Variants in ZSCAN23 observed in about 807,000 individuals in gnomAD.
ZSCAN23 encodes zinc finger and SCAN domain containing 23.
In ZSCAN23, 19 loss-of-function variants were observed where a neutral mutation model predicts 19.3. That is an observed-to-expected ratio of 0.99 (90% confidence interval 0.69 to 1.45). The LOEUF (loss-of-function observed/expected upper bound fraction) is 1.45, where lower values mean the gene tolerates loss of function less well. Among genes scored for constraint, ZSCAN23 ranks in the 40% most tolerant of loss-of-function variants. The pLI, the probability that ZSCAN23 is intolerant of heterozygous loss-of-function variation, is 0.00. For synonymous variants in ZSCAN23, 140 were observed against 166.2 expected, an observed-to-expected ratio of 0.84 and a Z score of 1.21; for missense variants, 372 against 462.5, an observed-to-expected ratio of 0.80 and a Z score of 1.79.
rs1221927198 is a variant in ZSCAN23, at chr6:28,435,045, G to T, written c.590C>A (p.Ala197Asp). Residue 197 changes from alanine (A) to aspartate (D), a missense_variant, in exon 4 of 4, where the codon GCC becomes GAC. Physicochemically the swap from Ala to Asp is moderately radical, Grantham distance 126. Transcript: ENST00000289788. ...GKAGTWNVEL[A>D]PKREISQEVK... ...TTCCTGAGAAATCTCCCTCTTTGGG[G>T]CTAACTCCACATTCCAAGTCCCAGC... 1.3e-6 allele frequency: 2 copies of T among 1,549,396 alleles called. No homozygotes were observed. The highest frequency in any genetic ancestry group is 2.0e-5 in the Admixed American group (1 of 50,898).
At chr6:28,428,060 G>A (rs1222694208), downstream of ZSCAN23, among the ~76,000 whole-genome samples, 1 of 152,142 alleles carries the variant, frequency 6.6e-6, no homozygotes, top group Non-Finnish European at 1.5e-5. Context: ...TGGGCAACAA[G>A]AGCAAAACTC....
the ZSCAN23 span, among the ~76,000 whole-genome samples, chr6:28,426,674 G>T: frequency 2.6e-5 from 4 of 152,230 alleles, no homozygotes; most frequent in African/African-American, 4.8e-5. Flanking sequence ...CTTGCTTGAT[G>T]CAGGGTTGCC....
At chr6:28,430,395 A>C (rs986717380), downstream of ZSCAN23, among the ~76,000 whole-genome samples, 2 of 152,042 alleles carry the variant, frequency 1.3e-5, no homozygotes, top group Non-Finnish European at 1.5e-5. Context: ...CCAACCAACC[A>C]ACCCCAGGTC....
chr6:28,441,709 G>A (rs1303613912), intron 1 of ZSCAN23, among the ~76,000 whole-genome samples: 1 of 151,900 alleles, frequency 6.6e-6, no homozygotes, highest in Non-Finnish European at 1.5e-5. Flanking sequence ...GAAATAAACA[G>A]TCTTAAATAC....
At chr6:28,439,806 A>C (rs772490665) in intron 1 of ZSCAN23, among the ~76,000 whole-genome samples, 1 of 152,236 alleles carries the variant, frequency 6.6e-6, no homozygotes, top group African/African-American at 2.4e-5. Flanking sequence ...TCAGTTACAG[A>C]TAGTAAGCAG....
chr6:28,441,923 C>T (rs1762010440), intron 1 of ZSCAN23, among the ~76,000 whole-genome samples: 2 of 144,254 alleles, frequency 1.4e-5, no homozygotes, highest in Admixed American at 1.4e-4. Context: ...GTTGCCCAGG[C>T]GGGAGTGCAG....
rs77285596 is a variant in ZSCAN23 at position 28,442,366 on chromosome 6, T to G, written c.-78+1033A>C. Among the ~76,000 whole-genome samples, 1,314 of 152,350 alleles carry G rather than the reference T, an allele frequency of 8.6e-3. 11 individuals are homozygous for G. The highest frequency in any genetic ancestry group is 0.066 in the East Asian group (341 of 5,186). Reference sequence around the variant, plus strand: ...GCAAATTAATCTTTTAATAAGATAATGTACAATTTTGGTACAATGGTAGTT... The same window carrying G: ...GCAAATTAATCTTTTAATAAGATAAGGTACAATTTTGGTACAATGGTAGTT... On this transcript the variant is annotated intron_variant, in intron 1 of 3. Coordinates refer to ENST00000289788, the MANE Select transcript of ZSCAN23 (RefSeq NM_001012455.2).
intron 1 of ZSCAN23, among the ~76,000 whole-genome samples, chr6:28,442,625 G>C (rs1283198185): frequency 1.3e-5 from 2 of 152,252 alleles, no homozygotes; most frequent in Non-Finnish European, 2.9e-5. Context: ...AATGAGCGAA[G>C]TAACTTCCCG....
At chr6:28,437,198 C>T (rs942902655) in intron 1 of ZSCAN23, among the ~76,000 whole-genome samples, 35 of 152,168 alleles carry the variant, frequency 2.3e-4, no homozygotes, top group Non-Finnish European at 2.4e-4. Flanking sequence ...ACTAAAATGA[C>T]GGAAATATTG....
At chr6:28,439,102 C>CTT (rs548029754) in intron 1 of ZSCAN23, among the ~76,000 whole-genome samples, 5 of 145,446 alleles carry the variant, frequency 3.4e-5, no homozygotes, top group Admixed American at 6.9e-5. Flanking sequence ...TTTTCCCCCA[C>CTT]TTTTTTTTTT....
Position 28,436,095 on chromosome 6 carries a change from C to G in ZSCAN23, c.172G>C (p.Glu58Gln). ...AGAGCCTCCCGGGGCCCAGGGGACT[C>G]CTGATAGCAGAACTGCCTGAAGCGT... ...RRRFRQFCYQ[E>Q]SPGPREALQR... The change falls in exon 2 of 4, where the codon GAG (glutamate) becomes CAG (glutamine). Residue 58 changes from glutamate (E) to glutamine (Q), a missense_variant. Glu to Gln is a conservative substitution (Grantham distance 29, BLOSUM62 2). Coordinates refer to ENST00000289788, the MANE Select transcript of ZSCAN23 (RefSeq NM_001012455.2). 1 of 1,613,982 alleles carries G rather than the reference C, an allele frequency of 6.2e-7. No individual in the cohort carries two copies. Among genetic ancestry groups the G allele is most frequent in the East Asian group, 2.2e-5 (1 of 44,868 alleles).
At chr6:28,421,494 G>C in the ZSCAN23 span, among the ~76,000 whole-genome samples, 2 of 152,048 alleles carry the variant, frequency 1.3e-5, no homozygotes, top group Non-Finnish European at 2.9e-5. Context: ...ACTGGCTATA[G>C]GTATTGAGGA....
In ZSCAN23 at chr6:28,436,100, T is replaced by G. The variant is rs766159474; in HGVS notation, c.167A>C (p.Tyr56Ser). The G allele has an allele frequency of 1.2e-6, 2 of 1,613,826 alleles. No individual in the cohort carries two copies. The highest frequency in any genetic ancestry group is 2.7e-5 in the African/African-American group (2 of 74,928). The change falls in exon 2 of 4, where the codon TAT becomes TCT. Residue 56 changes from tyrosine to serine, a missense_variant. Transcript: ENST00000289788. ...CTCCCGGGGCCCAGGGGACTCCTGA[T>G]AGCAGAACTGCCTGAAGCGTCTACG... ...IFRRRFRQFC[Y>S]QESPGPREAL...
rs1254198070 is a variant in ZSCAN23, at chr6:28,435,495, T to A, written c.521A>T (p.Tyr174Phe). The A allele has an allele frequency of 6.4e-7, 1 of 1,551,964 alleles. No individual in the cohort carries two copies. The highest frequency in any genetic ancestry group is 2.4e-5 in the East Asian group (1 of 40,920). The change falls in exon 3 of 4, where the codon TAT becomes TTT. Residue 174 changes from tyrosine to phenylalanine, a missense_variant. Tyr to Phe is a conservative substitution (Grantham distance 22). Coordinates refer to ENST00000289788, the MANE Select transcript of ZSCAN23 (RefSeq NM_001012455.2). ...AACTGGGCACACCTCTCGCAAATTA[T>A]ACCCAAGTTGCTCTTCCAAGGTTTG... Reference protein sequence around the residue: ...QFQTLEEQLGYNLREVCPVQE... With the variant: ...QFQTLEEQLGFNLREVCPVQE...
chr6:28,436,240 A>G lies in ZSCAN23; in HGVS notation c.27T>C (p.Thr9=). MAITLTLQ[T]AEMQEGLLAV... The stretch of plus-strand genomic sequence containing the variant: ...CCAGAAGTCCTTCCTGCATCTCTGC[A>G]GTCTGAAGGGTCAAGGTTATGGCCA... The change falls in exon 2 of 4, where the codon ACT becomes ACC. Residue 9 remains threonine, a synonymous_variant. Transcript: ENST00000289788. 5.2e-6 allele frequency: 8 copies of G among 1,551,300 alleles called. No homozygotes were observed. Among genetic ancestry groups the G allele is most frequent in the Non-Finnish European group, 7.0e-6 (8 of 1,146,716 alleles).
the ZSCAN23 span, among the ~76,000 whole-genome samples, chr6:28,424,173 T>A: frequency 1.3e-5 from 2 of 152,226 alleles, no homozygotes; most frequent in Admixed American, 6.5e-5. Flanking sequence ...GTTACACAAT[T>A]TTTTTGCCTT....
Position 28,434,446 on chromosome 6 carries a change from C to A in ZSCAN23, c.*19G>T. On this transcript the variant is annotated 3_prime_UTR_variant, in exon 4 of 4. Coordinates refer to ENST00000289788, the MANE Select transcript of ZSCAN23 (RefSeq NM_001012455.2). ...CAGGGACAAAGTAAGAAATATTATCCCCTACCTGTTCCAAGGAGCTAGCTT... is the reference window on the plus strand; with the variant it reads ...CAGGGACAAAGTAAGAAATATTATCACCTACCTGTTCCAAGGAGCTAGCTT... 6.6e-7 allele frequency: 1 copy of A among 1,514,208 alleles called. No homozygotes were observed. Among genetic ancestry groups the A allele is most frequent in the Non-Finnish European group, 8.9e-7 (1 of 1,126,286 alleles). The allele number at this position is 1,514,208 out of a possible 1,614,324, so 93.8% of individuals were successfully genotyped here.
rs1761884253 is a variant in ZSCAN23 at position 28,436,215 on chromosome 6, C to T, written c.52G>A (p.Ala18Thr). The T allele has an allele frequency of 1.3e-6, 2 of 1,552,410 alleles. No homozygotes were observed. Among genetic ancestry groups the T allele is most frequent in the Non-Finnish European group, 8.7e-7 (1 of 1,147,328 alleles). Residue 18 changes from alanine to threonine, a missense_variant, in exon 2 of 4, where the codon GCA becomes ACA. Physicochemically the swap from Ala to Thr is moderately conservative, Grantham distance 58 (BLOSUM62 0). Transcript: ENST00000289788. Reference protein sequence around the residue: ...QTAEMQEGLLAVKVKEEEEEH... With the variant: ...QTAEMQEGLLTVKVKEEEEEH... ...TCCTCTTCCTCCTTTACCTTCACTG[C>T]CAGAAGTCCTTCCTGCATCTCTGCA...
intron 1 of ZSCAN23, among the ~76,000 whole-genome samples, chr6:28,437,818 A>G (rs1168740962): frequency 6.6e-6 from 1 of 152,112 alleles, no homozygotes. Context: ...GAGATACACA[A>G]ATACCTAAAA....
Sources: gnomAD v4.1 joint callset for allele counts (sites outside exome capture counted in the v4.1 genomes callset) on GRCh38, gnomAD v4.1.1 for gene constraint, MANE v1.5 for transcripts, NCBI Gene and HGNC (gene_info 2026-07-23, HGNC 2026-07-21) for gene names.